PRLR: variants seen among roughly 807,000 people sequenced by gnomAD.
PRLR encodes prolactin receptor.
A neutral mutation model predicts 40.2 loss-of-function variants in PRLR; 13 were observed. The ratio of observed to expected loss-of-function variants is 0.32; its 90% CI spans 0.21 to 0.51. PRLR has a LOEUF of 0.51. Among genes scored for constraint, PRLR ranks in the 20% least tolerant of loss-of-function variants. The pLI is 0.97. For synonymous variants in PRLR, 269 were observed against 278.7 expected, an observed-to-expected ratio of 0.97 and a Z score of 0.35; for missense variants, 656 against 747.3, an observed-to-expected ratio of 0.88 and a Z score of 1.42.
intron 2 of PRLR, among the ~76,000 whole-genome samples, chr5:35,116,531 C>T (rs1218623558): frequency 6.6e-6 from 1 of 152,178 alleles, no homozygotes; most frequent in Non-Finnish European, 1.5e-5. Context: ...GCTCTGACTA[C>T]TGGGTGCTTT....
At chr5:35,154,175 A>C (rs1774421571) in intron 1 of PRLR, among the ~76,000 whole-genome samples, 1 of 152,196 alleles carries the variant, frequency 6.6e-6, no homozygotes, top group Admixed American at 6.5e-5. Context: ...AACTCATAGA[A>C]TTATAGAACT....
At chr5:35,143,664 A>C (rs560132784) in intron 1 of PRLR, among the ~76,000 whole-genome samples, 55 of 152,326 alleles carry the variant, frequency 3.6e-4, no homozygotes, top group Middle Eastern at 3.4e-3. Context: ...TGATTGATCC[A>C]TGGTAGCAAA....
chr5:35,072,464 G>T, intron 6 of PRLR, 111 bp downstream of exon 6: 1 of 1,269,454 alleles, frequency 7.9e-7, no homozygotes, highest in Non-Finnish European at 1.1e-6. Flanking sequence ...CAACTGCATT[G>T]GAGGCCAACA....
At chr5:35,049,891 C>T (rs115152428) in intron 8 of PRLR, among the ~76,000 whole-genome samples, 6,477 of 150,162 alleles carry the variant, frequency 0.043, 199 homozygotes, top group South Asian at 0.13. Flanking sequence ...TAACATTGCA[C>T]GAAACTACAT....
At chr5:35,130,073 A>T (rs919691235) in intron 1 of PRLR, 1 of 152,278 alleles carries the variant, frequency 6.6e-6, no homozygotes, top group South Asian at 2.1e-4. Context: ...AATATCCTCA[A>T]CTACCAGTCT....
intron 1 of PRLR, among the ~76,000 whole-genome samples, chr5:35,218,047 GC>G (rs2111663450): frequency 6.6e-6 from 1 of 152,216 alleles, no homozygotes; most frequent in African/African-American, 2.4e-5. Flanking sequence ...TAAATATTTA[GC>G]TTTTTGTAGG....
At chr5:35,087,746 G>T (rs1331039618) in intron 3 of PRLR, among the ~76,000 whole-genome samples, 4 of 152,036 alleles carry the variant, frequency 2.6e-5, no homozygotes, top group African/African-American at 9.7e-5. Flanking sequence ...AAAGCTCTTG[G>T]CAAGCGGGCT....
At chr5:35,113,488 T>TCCATCCATCCATCCATCCAC (rs1161113866) in intron 2 of PRLR, among the ~76,000 whole-genome samples, 2 of 80,144 alleles carry the variant, frequency 2.5e-5, no homozygotes, top group African/African-American at 1.4e-4. Context: ...CATCCATCCA[T>TCCATCCATCCATCCATCCAC]CCACCCACCC....
At chr5:35,174,007 G>T (rs570693195) in intron 1 of PRLR, among the ~76,000 whole-genome samples, 2 of 151,228 alleles carry the variant, frequency 1.3e-5, no homozygotes, top group Admixed American at 6.6e-5. Context: ...AACAGGCCCC[G>T]GTGTGTGATG....
chr5:35,104,156 G>T (rs895663113), intron 2 of PRLR, among the ~76,000 whole-genome samples: 4 of 152,030 alleles, frequency 2.6e-5, no homozygotes, highest in Non-Finnish European at 1.5e-5. Flanking sequence ...AACCAGGCAG[G>T]GCTGCCTCTA....
intron 1 of PRLR, among the ~76,000 whole-genome samples, chr5:35,227,683 C>T (rs542736916): frequency 6.6e-6 from 1 of 152,324 alleles, no homozygotes; most frequent in South Asian, 2.1e-4. Flanking sequence ...GCTACATCAT[C>T]TGACCACTTG....
intron 2 of PRLR, among the ~76,000 whole-genome samples, chr5:35,097,230 C>G (rs1412021662): frequency 2.6e-5 from 4 of 152,112 alleles, no homozygotes; most frequent in Non-Finnish European, 4.4e-5. Flanking sequence ...ATCAGCAAAC[C>G]CTTGTATAGA....
At chr5:35,157,325 C>A (rs1774538885) in intron 1 of PRLR, among the ~76,000 whole-genome samples, 1 of 152,158 alleles carries the variant, frequency 6.6e-6, no homozygotes, top group South Asian at 2.1e-4. Flanking sequence ...ATCCTCTTGA[C>A]TTCCTATGGA....
intron 2 of PRLR, among the ~76,000 whole-genome samples, chr5:35,108,675 T>C (rs998995709): frequency 2.0e-5 from 3 of 152,192 alleles, no homozygotes; most frequent in African/African-American, 7.2e-5. Flanking sequence ...GAAGGACATC[T>C]TCAAGGAGAA....
At chr5:35,078,575 CA>C (rs1277876989) in intron 5 of PRLR, among the ~76,000 whole-genome samples, 59 of 143,444 alleles carry the variant, frequency 4.1e-4, no homozygotes, top group Admixed American at 1.0e-3. Flanking sequence ...GCCTACCAAC[CA>C]AAAAAAAAAA....
chr5:35,074,649 G>A (rs1769958287), intron 5 of PRLR, among the ~76,000 whole-genome samples: 1 of 151,936 alleles, frequency 6.6e-6, no homozygotes, highest in Non-Finnish European at 1.5e-5. Context: ...AGGTAAACGT[G>A]TTACAGAACT....
chr5:35,072,436 T>A, intron 6 of PRLR, 139 bp downstream of exon 6: 1 of 949,928 alleles, frequency 1.1e-6, no homozygotes, highest in South Asian at 1.7e-5. Context: ...AAAGGGCTTT[T>A]CACATCTGGG....
chr5:35,150,249 C>T (rs1387884731), intron 1 of PRLR, among the ~76,000 whole-genome samples: 2 of 152,186 alleles, frequency 1.3e-5, no homozygotes, highest in African/African-American at 4.8e-5. Flanking sequence ...TCTCTTTATT[C>T]TTTCTTACCA....
intron 2 of PRLR, among the ~76,000 whole-genome samples, chr5:35,094,982 C>G (rs1771446572): frequency 6.6e-6 from 1 of 152,050 alleles, no homozygotes; most frequent in African/African-American, 2.4e-5. Context: ...CACGAGCCAC[C>G]AACACCCAGC....
Sources: gnomAD v4.1 joint callset for allele counts (sites outside exome capture counted in the v4.1 genomes callset) on GRCh38, gnomAD v4.1.1 for gene constraint, MANE v1.5 for transcripts, NCBI Gene and HGNC (gene_info 2026-07-23, HGNC 2026-07-21) for gene names.